Variants in CCDC14 observed in about 807,000 individuals in gnomAD.
The protein encoded by CCDC14 is coiled-coil domain containing 14.
In CCDC14, 71 loss-of-function variants were observed where a neutral mutation model predicts 81.4. That is an observed-to-expected ratio of 0.87 (90% confidence interval 0.72 to 1.06). The LOEUF is 1.06. Among genes scored for constraint, CCDC14 ranks in the 50% least tolerant of loss-of-function variants. CCDC14 has a pLI of 0.00. For synonymous variants in CCDC14, 332 were observed against 364.8 expected (o/e 0.91, Z 1.03); for missense variants, 1,046 against 1,047.3 (o/e 1.00, Z 0.02).
At chr3:123,925,444 CT>C (rs539628707) in intron 12 of CCDC14, among the ~76,000 whole-genome samples, 20 of 147,768 alleles carry the variant, frequency 1.4e-4, no homozygotes, top group South Asian at 4.3e-4. Context: ...GGTGACTATA[CT>C]TTTTTTTTTA....
At chr3:123,939,631 C>A (rs1431289798) in intron 9 of CCDC14, among the ~76,000 whole-genome samples, 1 of 151,414 alleles carries the variant, frequency 6.6e-6, no homozygotes, top group Admixed American at 6.6e-5. Flanking sequence ...GTATTATCTT[C>A]TTCATAATAA....
intron 5 of CCDC14, among the ~76,000 whole-genome samples, chr3:123,898,889 T>TG (rs1479289237): frequency 6.7e-6 from 1 of 150,232 alleles, no homozygotes; most frequent in Non-Finnish European, 1.5e-5. Context: ...TGGTTGTTTT[T>TG]TTTTTTTTTT....
the CCDC14 span, among the ~76,000 whole-genome samples, chr3:123,890,923 T>C: frequency 6.6e-6 from 1 of 152,314 alleles, no homozygotes; most frequent in Non-Finnish European, 1.5e-5. Flanking sequence ...TGTAGCAAAC[T>C]TCCACCTGGG....
rs552343888 is a variant in CCDC14 at position 123,948,612 on chromosome 3, A to T, written c.684+79T>A. 378 of 1,048,738 alleles carry T rather than the reference A, an allele frequency of 3.6e-4. 3 individuals are homozygous for T. In the South Asian group the frequency reaches 4.5e-3, roughly 13 times the overall value. The allele number at this position is 1,048,738 out of a possible 1,614,324, so 65.0% of individuals were successfully genotyped here. ...TTTAAATCCTAGTGCATTAAGTTAT[A>T]AGCAATAAATTCAACAGTCCCTCCT... On this transcript the variant is annotated intron_variant, in intron 7 of 12. Coordinates refer to ENST00000409697, the MANE Select transcript of CCDC14 (RefSeq NM_001366335.1).
Position 123,913,698 on chromosome 3 carries a change from A to C in CCDC14, c.*1081T>G. ...AAAAAAAAAAAAAAACCACCAAAAA[A>C]ACAAAAAACACGAGGAGGTTCTGGG... On this transcript the variant is annotated 3_prime_UTR_variant, in exon 13 of 13. Transcript: ENST00000409697. The C allele has an allele frequency of 1.0e-6, 1 of 984,886 alleles. No homozygotes were observed. The highest frequency in any genetic ancestry group is 1.1e-4 in the East Asian group (1 of 8,818). 61.0% of individuals were successfully genotyped at this position (984,886 alleles called of 1,614,324 possible).
chr3:123,947,062 T>C lies in CCDC14; in HGVS notation c.942A>G (p.Gly314=). 1 of 1,614,024 alleles carries C rather than the reference T, an allele frequency of 6.2e-7. No individual in the cohort carries two copies. The highest frequency in any genetic ancestry group is 1.1e-5 in the South Asian group (1 of 91,078). ...TCTGACTGTCCAGATGCGTTTCTTT[T>C]CCATGAGATCGAAAAAGAGACAAAT... ...QTYLSLFRSH[G]KETHLDSQTH... Residue 314 remains glycine, a synonymous_variant, in exon 8 of 13, where the codon GGA becomes GGG. Coordinates refer to ENST00000409697, the MANE Select transcript of CCDC14 (RefSeq NM_001366335.1).
intron 5 of CCDC14, 135 bp from the exon 6 acceptor site, chr3:123,949,267 ACCCCTAC>A (rs2036867256): frequency 3.4e-6 from 2 of 594,634 alleles, no homozygotes; most frequent in African/African-American, 3.7e-5. Context: ...TACCACTATC[ACCCCTAC>A]TAAAGAAAAT....
At chr3:123,946,158 GTTAGGTATTCAA>G (rs2036612748) in intron 8 of CCDC14, among the ~76,000 whole-genome samples, 1 of 149,706 alleles carries the variant, frequency 6.7e-6, no homozygotes. Flanking sequence ...GTCTGCAAAC[GTTAGGTATTCAA>G]TCAATGCTTC....
At chr3:123,946,752 AT>A in intron 8 of CCDC14, 50 bp downstream of exon 8, 1 of 1,466,796 alleles carries the variant, frequency 6.8e-7, no homozygotes, top group Non-Finnish European at 9.3e-7. Flanking sequence ...ATAACATGAC[AT>A]TGCTATTTAG....
chr3:123,931,329 C>G lies in CCDC14; in HGVS notation c.1624G>C (p.Glu542Gln), dbSNP rs563946143. The G allele has an allele frequency of 4.6e-6, 7 of 1,522,486 alleles. No homozygotes were observed. In the African/African-American group the frequency reaches 9.6e-5, roughly 21 times the overall value. The allele number at this position is 1,522,486 out of a possible 1,614,324, so 94.3% of individuals were successfully genotyped here. ...GTACCAATTTTTATTCTTGTTATCTCAATATCATATTGCTGTTTATTTTCA... is the reference window on the plus strand; with the variant it reads ...GTACCAATTTTTATTCTTGTTATCTGAATATCATATTGCTGTTTATTTTCA... ...ILENKQQYDIEITRIKIELEE... is the reference protein window; with the variant it reads ...ILENKQQYDIQITRIKIELEE... Residue 542 changes from glutamate (E) to glutamine (Q), a missense_variant, in exon 11 of 13, where the codon GAG becomes CAG. Physicochemically the swap from Glu to Gln is conservative, Grantham distance 29. Coordinates refer to ENST00000409697, the MANE Select transcript of CCDC14 (RefSeq NM_001366335.1).
At chr3:123,939,211 A>G (rs999279507) in intron 9 of CCDC14, among the ~76,000 whole-genome samples, 1 of 151,814 alleles carries the variant, frequency 6.6e-6, no homozygotes, top group Admixed American at 6.6e-5. Context: ...TTCCCTCAGA[A>G]CTTTGTAAAT....
At chr3:123,913,396 T>C (rs994086525), downstream of CCDC14, 4 of 983,700 alleles carry the variant, frequency 4.1e-6, no homozygotes, top group East Asian at 1.1e-4. Flanking sequence ...AACAGTTAAA[T>C]ATTTGGGAGT....
the CCDC14 span, among the ~76,000 whole-genome samples, chr3:123,890,648 G>A: frequency 2.0e-5 from 3 of 152,188 alleles, no homozygotes; most frequent in African/African-American, 7.2e-5. Flanking sequence ...GGTTCTCATG[G>A]TCTTGGGCAG....
chr3:123,940,771 C>G (rs2036309059), intron 9 of CCDC14, among the ~76,000 whole-genome samples: 1 of 151,920 alleles, frequency 6.6e-6, no homozygotes, highest in East Asian at 1.9e-4. Context: ...AAAACATGTT[C>G]AGAGAATAAT....
intron 5 of CCDC14, among the ~76,000 whole-genome samples, chr3:123,898,548 G>A (rs1041480046): frequency 6.6e-6 from 1 of 152,340 alleles, no homozygotes; most frequent in East Asian, 1.9e-4. Flanking sequence ...AGTGGCAGCT[G>A]GAGAGGTGGT....
chr3:123,892,812 AT>A (rs113942380), downstream of CCDC14, among the ~76,000 whole-genome samples: 115 of 148,898 alleles, frequency 7.7e-4, no homozygotes, highest in African/African-American at 2.4e-3. Flanking sequence ...AATTTTAACC[AT>A]TTTTTTTTTG....
chr3:123,886,141 CT>C, the CCDC14 span, among the ~76,000 whole-genome samples: 38 of 146,570 alleles, frequency 2.6e-4, no homozygotes, highest in South Asian at 6.5e-4. Flanking sequence ...TTCTAGTAGT[CT>C]TTTTTTTTTT....
chr3:123,889,599 G>A, the CCDC14 span, among the ~76,000 whole-genome samples: 1 of 152,342 alleles, frequency 6.6e-6, no homozygotes, highest in Admixed American at 6.5e-5. Context: ...ACCCCAGTGG[G>A]TCTGCAGGGT....
chr3:123,947,985 T>G (rs1306610044), intron 7 of CCDC14, among the ~76,000 whole-genome samples: 1 of 152,112 alleles, frequency 6.6e-6, no homozygotes, highest in Non-Finnish European at 1.5e-5. Flanking sequence ...AAGTATTAAG[T>G]GAAAGCAGCA....
Sources: gnomAD v4.1 joint callset for allele counts (sites outside exome capture counted in the v4.1 genomes callset) on GRCh38, gnomAD v4.1.1 for gene constraint, MANE v1.5 for transcripts, NCBI Gene and HGNC (gene_info 2026-07-23, HGNC 2026-07-21) for gene names.